The following SLC8A1 variants were observed in gnomAD, a reference collection of about 807,000 sequenced individuals.
SLC8A1 encodes solute carrier family 8 member A1, also known as sodium/calcium exchanger 1.
In SLC8A1, 18 loss-of-function variants were observed where a neutral mutation model predicts 68.3. The ratio of observed to expected loss-of-function variants is 0.26; its 90% confidence interval spans 0.18 to 0.39. The LOEUF (loss-of-function observed/expected upper bound fraction) is 0.39. Among genes scored for constraint, SLC8A1 ranks in the 10% least tolerant of loss-of-function variants. The pLI is 1.00. For missense variants in SLC8A1, 985 were observed against 1,156.7 expected, an observed-to-expected ratio of 0.85 and a Z score of 2.15; for synonymous variants, 475 against 415.5, an observed-to-expected ratio of 1.14 and a Z score of -1.74.
At chr2:40,327,575 G>A (rs911736858) in intron 2 of SLC8A1, among the ~76,000 whole-genome samples, 1 of 144,190 alleles carries the variant, frequency 6.9e-6, no homozygotes, top group Non-Finnish European at 1.6e-5. Context: ...GGAATACTAT[G>A]CAACCATAAA....
intron 4 of SLC8A1, among the ~76,000 whole-genome samples, chr2:40,168,043 C>G (rs1558598383): frequency 2.0e-5 from 3 of 152,108 alleles, no homozygotes. Flanking sequence ...AGTTGCTCAA[C>G]CCATACAAAA....
chr2:40,268,657 A>G lies in SLC8A1; in HGVS notation c.1809-90802T>C, dbSNP rs905483754. On this transcript the variant is annotated intron_variant, in intron 2 of 7. Coordinates refer to ENST00000406785, the Ensembl canonical transcript of SLC8A1. ...CCTATGTACGTGTATAAGGGCAGAA[A>G]ATAGGTCACAGTTGGTAGGCTACTT... Among the ~76,000 whole-genome samples, 6 of 152,236 alleles carry G rather than the reference A, an allele frequency of 3.9e-5. No individual in the cohort carries two copies. In the South Asian group the frequency reaches 1.2e-3, roughly 32 times the overall value.
At chr2:40,381,106 A>C (rs751301955) in intron 2 of SLC8A1, among the ~76,000 whole-genome samples, 1 of 152,090 alleles carries the variant, frequency 6.6e-6, no homozygotes, top group Non-Finnish European at 1.5e-5. Flanking sequence ...AGGCAAGCCA[A>C]ATTTTCTAGA....
intron 7 of SLC8A1, among the ~76,000 whole-genome samples, chr2:40,121,576 G>T (rs2036824568): frequency 6.6e-6 from 1 of 151,990 alleles, no homozygotes. Context: ...CAAATGAGGG[G>T]GAATTACCTA....
rs142449310 is a variant in SLC8A1, at chr2:40,324,473, C to G, written c.1808+104000G>C. On this transcript the variant is annotated intron_variant, in intron 2 of 7. Transcript: ENST00000406785. Reference sequence around the variant, plus strand: ...CAGGATCAAACATTCCATTTCTTTCCTAACTCAGAAGTATTCTTCCCCTTG... The same window carrying G: ...CAGGATCAAACATTCCATTTCTTTCGTAACTCAGAAGTATTCTTCCCCTTG... Among the ~76,000 whole-genome samples, 1,375 of 152,202 alleles carry G rather than the reference C, an allele frequency of 9.0e-3. 72 individuals are homozygous for G. Among genetic ancestry groups the G allele is most frequent in the Admixed American group, 0.074 (1,133 of 15,280 alleles).
intron 2 of SLC8A1, among the ~76,000 whole-genome samples, chr2:40,419,010 G>C (rs928614025): frequency 6.6e-6 from 1 of 152,206 alleles, no homozygotes; most frequent in Non-Finnish European, 1.5e-5. Flanking sequence ...AAGGCACAGA[G>C]AGGCTTTAGG....
chr2:40,310,323 C>A (rs1420313641), intron 2 of SLC8A1, among the ~76,000 whole-genome samples: 2 of 152,094 alleles, frequency 1.3e-5, no homozygotes, highest in African/African-American at 4.8e-5. Context: ...TGGGTTAACC[C>A]AGTGAGACAT....
intron 2 of SLC8A1, among the ~76,000 whole-genome samples, chr2:40,385,644 T>A (rs10178405): frequency 4.0e-5 from 6 of 150,834 alleles, no homozygotes; most frequent in Non-Finnish European, 8.8e-5. Context: ...AAGGAAACTT[T>A]TGAACACTTA....
intron 2 of SLC8A1, among the ~76,000 whole-genome samples, chr2:40,400,405 C>T (rs1198144474): frequency 1.3e-5 from 2 of 152,154 alleles, no homozygotes; most frequent in Non-Finnish European, 2.9e-5. Flanking sequence ...TCAGACTGGG[C>T]TATCTGAGAA....
At chr2:40,498,154 A>G (rs1705829742) in intron 1 of SLC8A1, among the ~76,000 whole-genome samples, 1 of 152,088 alleles carries the variant, frequency 6.6e-6, no homozygotes, top group South Asian at 2.1e-4. Context: ...AAAGATGATC[A>G]GTTTAAATCA....
At chr2:40,273,526 G>C (rs759303614) in intron 2 of SLC8A1, among the ~76,000 whole-genome samples, 49 of 152,206 alleles carry the variant, frequency 3.2e-4, no homozygotes, top group Admixed American at 6.5e-4. Context: ...AAAAAAGCTT[G>C]ATGTGAGGAG....
rs190277554 is a variant in SLC8A1 at position 40,339,468 on chromosome 2, T to C, written c.1808+89005A>G. On this transcript the variant is annotated intron_variant, in intron 2 of 7. Transcript: ENST00000406785. The stretch of plus-strand genomic sequence containing the variant: ...GTGCCAGAATTCACTTTACCATTTT[T>C]ATGTACACTTGGTTTTAGAACTTGT... Among the ~76,000 whole-genome samples, 12 of 152,380 alleles carry C rather than the reference T, an allele frequency of 7.9e-5. 1 individual carries two copies. In the East Asian group the frequency reaches 2.3e-3, roughly 29 times the overall value.
At chr2:40,135,472 G>A (rs969058994) in intron 7 of SLC8A1, among the ~76,000 whole-genome samples, 8 of 151,994 alleles carry the variant, frequency 5.3e-5, no homozygotes, top group Admixed American at 6.6e-5. Flanking sequence ...CTTTGGGGGC[G>A]GCAGGGGAGG....
At chr2:40,466,015 C>T (rs969938300) in intron 1 of SLC8A1, among the ~76,000 whole-genome samples, 1 of 152,148 alleles carries the variant, frequency 6.6e-6, no homozygotes, top group African/African-American at 2.4e-5. Flanking sequence ...CAAGAAGGCC[C>T]TGACAAGATG....
intron 2 of SLC8A1, among the ~76,000 whole-genome samples, chr2:40,356,355 C>T (rs1355552019): frequency 6.6e-6 from 1 of 152,020 alleles, no homozygotes; most frequent in Admixed American, 6.6e-5. Context: ...TATGAAAAAC[C>T]AATTCCTGCT....
intron 2 of SLC8A1, among the ~76,000 whole-genome samples, chr2:40,199,578 A>G (rs1042823097): frequency 3.4e-4 from 52 of 151,648 alleles, no homozygotes; most frequent in African/African-American, 1.2e-3. Context: ...TGTTTGTGGC[A>G]AAGATCCCTC....
In SLC8A1 at chr2:40,133,694, G is replaced by A. The variant is rs1300110052; in HGVS notation, c.2437+5707C>T. 7.4e-5 allele frequency among the ~76,000 whole-genome samples: 9 copies of A among 122,186 alleles called. No individual in the cohort carries two copies. The South Asian group carries it at 2.8e-3, about 38-fold the overall frequency. 80.2% of individuals were successfully genotyped at this position (122,186 alleles called of 152,430 possible). A position where few individuals can be genotyped will look rare whatever the true frequency, so the allele number is the denominator to read the frequency against. On this transcript the variant is annotated intron_variant, in intron 7 of 7. Transcript: ENST00000406785. ...AAAGATGAAGGCAAGACTTAATGGG[G>A]CAAAAATCCCCCCCCCCCACCGACT...
intron 2 of SLC8A1, among the ~76,000 whole-genome samples, chr2:40,191,335 A>C (rs2148649510): frequency 6.6e-6 from 1 of 152,276 alleles, no homozygotes; most frequent in Admixed American, 6.5e-5. Flanking sequence ...TTTAGCTTAA[A>C]AAAACATCAG....
intron 2 of SLC8A1, among the ~76,000 whole-genome samples, chr2:40,240,689 C>G (rs189463478): frequency 8.2e-4 from 125 of 152,234 alleles, no homozygotes; most frequent in Non-Finnish European, 1.1e-3. Context: ...ATTTCTTGAG[C>G]ATTCACTACA....
Sources: gnomAD v4.1 joint callset for allele counts (sites outside exome capture counted in the v4.1 genomes callset) on GRCh38, gnomAD v4.1.1 for gene constraint, MANE v1.5 for transcripts, NCBI Gene and HGNC (gene_info 2026-07-23, HGNC 2026-07-21) for gene names.